The following MAN2C1 variants were observed in gnomAD, a reference collection of about 807,000 sequenced individuals.
The protein encoded by MAN2C1 is alpha-mannosidase 2C1.
MAN2C1 carries 111 observed loss-of-function variants against 126.9 expected under a neutral mutation model. The observed-to-expected ratio is 0.87, with a 90% CI of 0.75 to 1.02. MAN2C1 has a LOEUF of 1.02. Ranked by LOEUF, MAN2C1 falls within the 50% of genes least tolerant of loss-of-function variation. The probability of loss-of-function intolerance (pLI) is 0.00; values close to 1 mark genes in which losing one functional copy is unlikely to be tolerated. For missense variants in MAN2C1, 1,363 were observed against 1,364.4 expected, an observed-to-expected ratio of 1.00 and a Z score of 0.02; for synonymous variants, 567 against 561.5, an observed-to-expected ratio of 1.01 and a Z score of -0.14.
chr15:75,359,280 G>C, intron 17 of MAN2C1, 48 bp downstream of exon 17: 1 of 1,581,230 alleles, frequency 6.3e-7, no homozygotes, highest in Non-Finnish European at 8.6e-7. Context: ...TCAGTTGTAA[G>C]AAAGTATCCC....
Position 75,359,143 on chromosome 15 carries a change from G to A in MAN2C1, c.2057C>T (p.Ser686Phe), listed in dbSNP as rs745881034. Reference sequence around the variant, plus strand: ...GATGATGCCATTGTCCAGAGTCACGGAGCCATCAGTCTTTGTGGGAGGAGG... The same window carrying A: ...GATGATGCCATTGTCCAGAGTCACGAAGCCATCAGTCTTTGTGGGAGGAGG... Reference protein sequence around the residue: ...PVFVVQETDGSVTLDNGIIRV... With the variant: ...PVFVVQETDGFVTLDNGIIRV... The change falls in exon 18 of 26, where the codon TCC becomes TTC. Residue 686 changes from serine to phenylalanine, a missense_variant. Around this residue, in one of 3 missense-constraint regions of MAN2C1, gnomAD observed 668 missense variants for 650.1 expected, o/e 1.03. Coordinates refer to ENST00000267978, the MANE Select transcript of MAN2C1 (RefSeq NM_006715.4). The A allele has an allele frequency of 2.5e-6, 4 of 1,613,846 alleles. No individual in the cohort carries two copies. The highest frequency in any genetic ancestry group is 3.3e-5 in the Admixed American group (2 of 60,010).
chr15:75,359,028 G>A (rs368126402), intron 18 of MAN2C1, 31 bp downstream of exon 18: 6 of 1,611,582 alleles, frequency 3.7e-6, no homozygotes, highest in Non-Finnish European at 4.2e-6. Context: ...TACTTGCCAG[G>A]CACTGGGAAA....
At chr15:75,368,015 G>C in intron 2 of MAN2C1, 58 bp downstream of exon 2, 1 of 1,540,052 alleles carries the variant, frequency 6.5e-7, no homozygotes, top group Non-Finnish European at 8.7e-7. Flanking sequence ...GTGGCTGGGA[G>C]CTGGGTTGGG....
intron 2 of MAN2C1, chr15:75,367,837 T>C (rs1361093826): frequency 3.5e-6 from 3 of 854,174 alleles, no homozygotes; most frequent in Non-Finnish European, 5.3e-6. Flanking sequence ...TCGTGATCCC[T>C]AGGGTGCCCT....
Position 75,356,017 on chromosome 15 carries a change from C to T in MAN2C1, c.3012G>A (p.Glu1004=). The change falls in exon 26 of 26, where the codon GAG becomes GAA. Residue 1004 remains glutamate, a synonymous_variant. Transcript: ENST00000267978. The surrounding 1 kb of genome is among the most constrained non-coding windows in gnomAD (Gnocchi z 5.8). ...VQEAILCDLL[E]RPDPAGHLTL... ...TCAAGTGGCCAGCAGGGTCTGGTCG[C>T]TCCAAGAGATCGCAGCTGGAGAACA... is the stretch of plus-strand genomic sequence containing the variant. 6.2e-7 allele frequency: 1 copy of T among 1,614,014 alleles called. No individual in the cohort carries two copies. The highest frequency in any genetic ancestry group is 8.5e-7 in the Non-Finnish European group (1 of 1,179,946).
In MAN2C1 at chr15:75,356,990, C is replaced by T; in HGVS notation, c.2548-88G>A. The T allele has an allele frequency of 9.1e-7, 1 of 1,092,898 alleles. No individual in the cohort carries two copies. The highest frequency in any genetic ancestry group is 1.4e-6 in the Non-Finnish European group (1 of 732,202). The allele number at this position is 1,092,898 out of a possible 1,614,324, so 67.7% of individuals were successfully genotyped here. A position where few individuals can be genotyped will look rare whatever the true frequency, so the allele number is the denominator to read the frequency against. The stretch of plus-strand genomic sequence containing the variant: ...AGAGCTCCTGTCACTAGGCCGAGCA[C>T]AAGCTCTAGAACCACACAACTGAAC... On this transcript the variant is annotated intron_variant, in intron 21 of 25. Coordinates refer to ENST00000267978, the MANE Select transcript of MAN2C1 (RefSeq NM_006715.4). The surrounding 1 kb of genome is among the most constrained non-coding windows in gnomAD (Gnocchi z 5.8).
At position 75,358,572 on chromosome 15, in the gene MAN2C1, C is replaced by T. The variant is rs780435294; in HGVS notation, c.2293G>A (p.Gly765Ser). 6.2e-7 allele frequency: 1 copy of T among 1,613,390 alleles called. No homozygotes were observed. The highest frequency in any genetic ancestry group is 1.7e-5 in the Admixed American group (1 of 60,026). The change falls in exon 20 of 26, where the codon GGC (glycine) becomes AGC (serine). Residue 765 changes from glycine (G) to serine (S), a missense_variant. Around this residue, in one of 3 missense-constraint regions of MAN2C1, gnomAD observed 668 missense variants for 650.1 expected, o/e 1.03. Transcript: ENST00000267978. ...QAGTLAVGTE[G>S]GLRGSAWFLL... Reference sequence around the variant, plus strand: ...AACCAGGCGCTGCCCCGCAGGCCGCCCTCGGTGCCCACTGCCAGGGTCCCT... The same window carrying T: ...AACCAGGCGCTGCCCCGCAGGCCGCTCTCGGTGCCCACTGCCAGGGTCCCT...
chr15:75,365,750 C>T (rs992909791), intron 4 of MAN2C1: 2 of 197,144 alleles, frequency 1.0e-5, no homozygotes, highest in South Asian at 6.1e-5. Context: ...AAAACCCCCC[C>T]GAAAAAACAA....
At chr15:75,366,022 A>C in intron 4 of MAN2C1, 1 of 387,372 alleles carries the variant, frequency 2.6e-6, no homozygotes, top group Non-Finnish European at 5.1e-6. Flanking sequence ...GGGAGGCAGA[A>C]GGTACAGTGA....
In MAN2C1 at chr15:75,359,988, C is replaced by G. The variant is rs768422909; in HGVS notation, c.1707G>C (p.Arg569Ser). 9.9e-6 allele frequency: 16 copies of G among 1,613,918 alleles called. No individual in the cohort carries two copies. Among genetic ancestry groups the G allele is most frequent in the South Asian group, 3.3e-5 (3 of 91,084 alleles). The change falls in exon 15 of 26, where the codon AGG (arginine) becomes AGC (serine). Residue 569 changes from arginine to serine, a missense_variant and splice_region_variant. By Grantham distance (110) the Arg-to-Ser change is moderately radical (BLOSUM62 -1). Coordinates refer to ENST00000267978, the MANE Select transcript of MAN2C1 (RefSeq NM_006715.4). ...CATGGAACTGGTTCAGAAGAAGGAGCCTGCAGGGGCCAAGGGCAGGGATGG... is the reference window on the plus strand; with the variant it reads ...CATGGAACTGGTTCAGAAGAAGGAGGCTGCAGGGGCCAAGGGCAGGGATGG... ...YPAAQLQHLWRLLLLNQFHDV... is the reference protein window; with the variant it reads ...YPAAQLQHLWSLLLLNQFHDV...
Position 75,356,774 on chromosome 15 carries a change from T to C in MAN2C1, c.2657+19A>G, listed in dbSNP as rs117058294. 8,561 of 1,613,832 alleles carry C rather than the reference T, an allele frequency of 5.3e-3. 255 individuals are homozygous for C. The East Asian group carries it at 0.093, about 18-fold the overall frequency. On this transcript the variant is annotated intron_variant, in intron 22 of 25. Transcript: ENST00000267978. The surrounding 1 kb of genome is among the most constrained non-coding windows in gnomAD (Gnocchi z 5.8). Reference sequence around the variant, plus strand: ...ATTTCTCCATGCCAGCTCCCAGGCCTGGTGGGTACCCCACTTACAGCGAGA... The same window carrying C: ...ATTTCTCCATGCCAGCTCCCAGGCCCGGTGGGTACCCCACTTACAGCGAGA...
In MAN2C1 at chr15:75,356,129, G is replaced by A; in HGVS notation, c.2977C>T (p.Pro993Ser). ...ACTCACAGGATGGCCTCCTGAACCG[G>A]CAGCGACAAGTGCAGCCAGCAGTCC... ...HVDCWLHLSL[P>S]VQEAILCDLL... is the part of the protein sequence containing the mutation. The change falls in exon 25 of 26, where the codon CCG becomes TCG. Residue 993 changes from proline to serine, a missense_variant. Coordinates refer to ENST00000267978, the MANE Select transcript of MAN2C1 (RefSeq NM_006715.4). The surrounding 1 kb of genome is among the most constrained non-coding windows in gnomAD (Gnocchi z 5.8). 1 of 1,613,778 alleles carries A rather than the reference G, an allele frequency of 6.2e-7. No individual in the cohort carries two copies. The highest frequency in any genetic ancestry group is 1.1e-5 in the South Asian group (1 of 91,076).
chr15:75,360,861 G>A (rs2072452412), intron 12 of MAN2C1, 173 bp from the exon 13 acceptor site: 4 of 1,150,250 alleles, frequency 3.5e-6, no homozygotes, highest in Middle Eastern at 2.2e-4. Flanking sequence ...CTGATGGGCT[G>A]GAGCCCTTAC....
At chr15:75,360,890 C>A in intron 12 of MAN2C1, 156 bp downstream of exon 12, 3 of 1,210,730 alleles carry the variant, frequency 2.5e-6, no homozygotes, top group South Asian at 3.1e-5. Context: ...GCTTCTCCCC[C>A]ACCCACCCCC....
Position 75,368,592 on chromosome 15 carries a change from T to C in MAN2C1, c.-9A>G, listed in dbSNP as rs1392715877. ...GCCGGCGCAGCCGCCATCGCCGGGC[T>C]CTCGCTCCTCTTTCCGGAAGGCCCC... On this transcript the variant is annotated 5_prime_UTR_variant, in exon 1 of 26. Transcript: ENST00000267978. 1 of 1,535,036 alleles carries C rather than the reference T, an allele frequency of 6.5e-7. No individual in the cohort carries two copies. The highest frequency in any genetic ancestry group is 1.8e-4 in the Middle Eastern group (1 of 5,680).
At chr15:75,359,449 G>A (rs369554015) in intron 16 of MAN2C1, 24 bp from the exon 17 acceptor site, 3 of 1,600,546 alleles carry the variant, frequency 1.9e-6, no homozygotes, top group African/African-American at 2.7e-5. Context: ...CTGGGCATCA[G>A]TGCAGCCTTC....
rs762253428 is a variant in MAN2C1, at chr15:75,368,142, C to G, written c.158G>C (p.Arg53Thr). ...AVLSSFLTPE[R>T]LPYQEAVQRD... ...CTGGACTGCCTCCTGGTAGGGAAGT[C>G]TCTCCGGCGTCAGGAAGCTGGAGAG... Residue 53 changes from arginine (R) to threonine (T), a missense_variant, in exon 2 of 26, where the codon AGA (arginine) becomes ACA (threonine). Around this residue, in one of 3 missense-constraint regions of MAN2C1, gnomAD observed 628 missense variants for 609.8 expected, o/e 1.03. Coordinates refer to ENST00000267978, the MANE Select transcript of MAN2C1 (RefSeq NM_006715.4). 4 of 1,605,266 alleles carry G rather than the reference C, an allele frequency of 2.5e-6. No individual in the cohort carries two copies. In the Admixed American group the frequency reaches 6.8e-5, roughly 27 times the overall value.
At position 75,356,321 on chromosome 15, in the gene MAN2C1, C is replaced by T. The variant is rs201870425; in HGVS notation, c.2866G>A (p.Val956Ile). Reference protein sequence around the residue: ...SAFSVSSPAVVLETVKQAESS... With the variant: ...SAFSVSSPAVILETVKQAESS... ...CTTGCCTGCTTGACGGTCTCCAATA[C>T]GACCGCGGGTGAAGACACGGAAAAC... Residue 956 changes from valine (V) to isoleucine (I), a missense_variant, in exon 24 of 26, where the codon GTA becomes ATA. Physicochemically the swap from Val to Ile is conservative, Grantham distance 29. Around this residue, in one of 3 missense-constraint regions of MAN2C1, gnomAD observed 668 missense variants for 650.1 expected, o/e 1.03. Transcript: ENST00000267978. This position sits in a 1 kb window ranked among gnomAD's most constrained non-coding sequence, Gnocchi z 5.8. 25 of 1,612,208 alleles carry T rather than the reference C, an allele frequency of 1.6e-5. No homozygotes were observed. The highest frequency in any genetic ancestry group is 8.4e-5 in the Admixed American group (5 of 59,704).
chr15:75,361,333 G>C lies in MAN2C1; in HGVS notation c.1267C>G (p.His423Asp). 1.3e-6 allele frequency: 2 copies of C among 1,568,502 alleles called. No individual in the cohort carries two copies. Among genetic ancestry groups the C allele is most frequent in the Non-Finnish European group, 1.7e-6 (2 of 1,156,276 alleles). The change falls in exon 11 of 26, where the codon CAC becomes GAC. Residue 423 changes from histidine to aspartate, a missense_variant. His to Asp is a moderately conservative substitution (Grantham distance 81, BLOSUM62 -1). Coordinates refer to ENST00000267978, the MANE Select transcript of MAN2C1 (RefSeq NM_006715.4). The surrounding 1 kb of genome is among the most constrained non-coding windows in gnomAD (Gnocchi z 5.0). ...EGLDGSRVLV[H>D]FPPGDSYGMQ... ...CCATAGGAGTCGCCAGGTGGGAAGT[G>C]GACCAGTACACGGGAGCCATCCAGG...
Sources: gnomAD v4.1 joint callset for allele counts on GRCh38, gnomAD v4.1.1 for gene constraint, gnomAD v4.1.1 regional missense constraint, Gnocchi (gnomAD v3.1) non-coding constraint, MANE v1.5 for transcripts, NCBI Gene and HGNC (gene_info 2026-07-23, HGNC 2026-07-21) for gene names.